Variants in LRRC7 observed in about 807,000 individuals in gnomAD.
LRRC7 encodes the protein leucine rich repeat containing 7.
LRRC7 carries 23 observed loss-of-function variants against 175.7 expected under a neutral mutation model. The ratio of observed to expected loss-of-function variants is 0.13; its 90% CI spans 0.09 to 0.19. The LOEUF (loss-of-function observed/expected upper bound fraction) is 0.19. Ranked by LOEUF, LRRC7 falls within the 10% of genes least tolerant of loss-of-function variation. The pLI is 1.00. For missense variants in LRRC7, 1,354 were observed against 1,904.7 expected (o/e 0.71, Z 5.38); for synonymous variants, 685 against 680.9 (o/e 1.01, Z -0.09).
At position 70,128,644 on chromosome 1, in the gene LRRC7, T is replaced by A. The variant is rs1666543520; in HGVS notation, c.*6757T>A. ...AGAATATAACAAAAACATTAAATAT[T>A]ATGATTATAAATATTAAAATAAATA... On this transcript the variant is annotated 3_prime_UTR_variant, in exon 27 of 27. Transcript: ENST00000651989. 2 of 152,188 alleles carry A rather than the reference T, an allele frequency of 1.3e-5. No individual in the cohort carries two copies. Among genetic ancestry groups the A allele is most frequent in the Non-Finnish European group, 2.9e-5 (2 of 68,044 alleles). 9.4% of individuals were successfully genotyped at this position (152,188 alleles called of 1,614,324 possible).
chr1:69,610,271 G>A (rs896045884), intron 1 of LRRC7, among the ~76,000 whole-genome samples: 1 of 151,858 alleles, frequency 6.6e-6, no homozygotes, highest in African/African-American at 2.4e-5. Context: ...CTTTTCTCCT[G>A]TGAACTGATG....
At chr1:69,948,095 G>A (rs577980541) in intron 8 of LRRC7, among the ~76,000 whole-genome samples, 2 of 152,178 alleles carry the variant, frequency 1.3e-5, no homozygotes, top group East Asian at 3.9e-4. Flanking sequence ...GACAGAGCAG[G>A]ACAGTGCGAG....
chr1:69,718,138 G>GAAAGAAAGAAAGAAAGAAAGAAA (rs772161376), intron 2 of LRRC7, among the ~76,000 whole-genome samples: 1 of 40,972 alleles, frequency 2.4e-5, no homozygotes, highest in Non-Finnish European at 4.2e-5. Context: ...AAGAAAGAAA[G>GAAAGAAAGAAAGAAAGAAAGAAA]AGAGAGAAAG....
At chr1:70,052,878 A>C (rs2421318) in intron 22 of LRRC7, 148 bp from the exon 23 acceptor site, 48,207 of 656,744 alleles carry the variant, frequency 0.073, 2,322 homozygotes, top group South Asian at 0.19. Flanking sequence ...TTACCCAGTA[A>C]ATAGTATATA....
intron 22 of LRRC7, among the ~76,000 whole-genome samples, chr1:70,047,966 A>AT (rs1197298259): frequency 2.0e-5 from 3 of 151,802 alleles, no homozygotes; most frequent in South Asian, 2.1e-4. Flanking sequence ...TTTTCTATTG[A>AT]TTTTTTATTC....
At chr1:69,684,105 T>G (rs148895202) in intron 2 of LRRC7, among the ~76,000 whole-genome samples, 130 of 152,324 alleles carry the variant, frequency 8.5e-4, no homozygotes, top group African/African-American at 2.8e-3. Context: ...TGTTTTCTGA[T>G]GTACTGTATA....
intron 8 of LRRC7, among the ~76,000 whole-genome samples, chr1:69,941,241 T>A (rs942712877): frequency 2.6e-5 from 4 of 152,086 alleles, no homozygotes; most frequent in African/African-American, 9.7e-5. Flanking sequence ...TTTTAAGGAT[T>A]TAGGATTTTA....
chr1:69,880,555 T>C (rs1453279965), intron 7 of LRRC7, among the ~76,000 whole-genome samples: 1 of 152,096 alleles, frequency 6.6e-6, no homozygotes, highest in Non-Finnish European at 1.5e-5. Context: ...AAATTGCCAT[T>C]TGGGGGTCTA....
intron 1 of LRRC7, among the ~76,000 whole-genome samples, chr1:69,574,971 A>G (rs1320139486): frequency 6.6e-6 from 1 of 152,188 alleles, no homozygotes; most frequent in Non-Finnish European, 1.5e-5. Flanking sequence ...TTAGGCTAAT[A>G]TCGTATTGTT....
intron 7 of LRRC7, among the ~76,000 whole-genome samples, chr1:69,871,382 G>A (rs1055443193): frequency 6.6e-6 from 1 of 151,918 alleles, no homozygotes; most frequent in African/African-American, 2.4e-5. Flanking sequence ...AGAGATCTGA[G>A]ACAAAACACT....
chr1:69,666,123 C>A (rs1557569269), intron 1 of LRRC7, among the ~76,000 whole-genome samples: 1 of 152,068 alleles, frequency 6.6e-6, no homozygotes, highest in Admixed American at 6.5e-5. Context: ...GAATGTATTA[C>A]ATTAATTTAT....
chr1:70,058,596 T>C (rs1298450510), intron 23 of LRRC7, among the ~76,000 whole-genome samples: 3 of 152,240 alleles, frequency 2.0e-5, no homozygotes, highest in African/African-American at 7.2e-5. Context: ...ATTAAATCTT[T>C]ACATAAGGCA....
At chr1:69,760,507 A>G in intron 3 of LRRC7, 114 bp downstream of exon 3, 3 of 819,466 alleles carry the variant, frequency 3.7e-6, no homozygotes, top group Admixed American at 2.5e-5. Context: ...CTGACAAGTC[A>G]TTGAAATTGA....
At chr1:70,026,345 A>G (rs538958272) in intron 17 of LRRC7, among the ~76,000 whole-genome samples, 2 of 152,246 alleles carry the variant, frequency 1.3e-5, no homozygotes, top group East Asian at 1.9e-4. Flanking sequence ...TTACATTTTT[A>G]ATGTAATTTT....
Position 70,128,613 on chromosome 1 carries a change from C to T in LRRC7, c.*6726C>T, listed in dbSNP as rs777744896. 6.6e-6 allele frequency: 1 copy of T among 152,042 alleles called. No homozygotes were observed. Among genetic ancestry groups the T allele is most frequent in the Non-Finnish European group, 1.5e-5 (1 of 68,002 alleles). 9.4% of individuals were successfully genotyped at this position (152,042 alleles called of 1,614,324 possible). On this transcript the variant is annotated 3_prime_UTR_variant, in exon 27 of 27. Coordinates refer to ENST00000651989, the MANE Select transcript of LRRC7 (RefSeq NM_001370785.2). ...AAACTGAAAACATTTGGAGACATTT[C>T]ATTGAAGAATATAACAAAAACATTA...
intron 2 of LRRC7, among the ~76,000 whole-genome samples, chr1:69,687,232 G>A (rs1661259495): frequency 6.6e-6 from 1 of 152,126 alleles, no homozygotes; most frequent in Admixed American, 6.5e-5. Context: ...TTTTAGGACA[G>A]GCACGTTGGC....
chr1:69,666,588 T>G (rs1360363730), intron 1 of LRRC7, among the ~76,000 whole-genome samples: 2 of 151,982 alleles, frequency 1.3e-5, no homozygotes, highest in African/African-American at 4.8e-5. Flanking sequence ...TCTAGATTTT[T>G]CAATTTATCA....
At chr1:69,934,412 A>T (rs941588839) in intron 8 of LRRC7, among the ~76,000 whole-genome samples, 1 of 148,492 alleles carries the variant, frequency 6.7e-6, no homozygotes, top group Non-Finnish European at 1.5e-5. Context: ...ATTCTAAACA[A>T]AGGGAATTAT....
chr1:69,688,233 G>T (rs771029211), intron 2 of LRRC7, among the ~76,000 whole-genome samples: 1 of 152,178 alleles, frequency 6.6e-6, no homozygotes, highest in Non-Finnish European at 1.5e-5. Context: ...GAAATGTAAG[G>T]AGTAGGGTTC....
Sources: gnomAD v4.1 joint callset for allele counts (sites outside exome capture counted in the v4.1 genomes callset) on GRCh38, gnomAD v4.1.1 for gene constraint, MANE v1.5 for transcripts, NCBI Gene and HGNC (gene_info 2026-07-23, HGNC 2026-07-21) for gene names.